Variants in ESS2 observed in about 807,000 individuals in gnomAD.
The protein encoded by ESS2 is splicing factor ESS-2 homolog.
ESS2 carries 31 observed loss-of-function variants against 52.0 expected under a neutral mutation model. The ratio of observed to expected loss-of-function variants is 0.60; its 90% CI spans 0.45 to 0.81. The LOEUF (loss-of-function observed/expected upper bound fraction) is 0.81, where lower values mean the gene tolerates loss of function less well. Ranked by LOEUF, ESS2 falls within the 30% of genes least tolerant of loss-of-function variation. The probability of loss-of-function intolerance (pLI) is 0.00; values close to 1 mark genes in which losing one functional copy is unlikely to be tolerated. For missense variants in ESS2, 602 were observed against 637.2 expected (o/e 0.94, Z 0.59); for synonymous variants, 285 against 259.2 (o/e 1.10, Z -0.95).
Position 19,134,334 on chromosome 22 carries a change from C to T in ESS2, c.1293G>A (p.Pro431=), listed in dbSNP as rs539108063. The T allele has an allele frequency of 1.7e-5, 28 of 1,610,884 alleles. No individual in the cohort carries two copies. The East Asian group carries it at 4.5e-4, about 26-fold the overall frequency. The change falls in exon 10 of 10, where the codon CCG becomes CCA. Residue 431 remains proline, a synonymous_variant. Transcript: ENST00000252137. Reference sequence around the variant, plus strand: ...TTGTGGGGGTCTGCAGCCCACTGGCCGGGGTCTTGAGGTGGGTGGAGCGTG... The same window carrying T: ...TTGTGGGGGTCTGCAGCCCACTGGCTGGGGTCTTGAGGTGGGTGGAGCGTG... ...SPARSTHLKT[P]ASGLQTPTST...
In ESS2 at chr22:19,131,948, C is replaced by A; in HGVS notation, c.*2248G>T. ...TCTGCGGGTCGGCAGCATATGCAGCCCCCGAGGTGCTGCAGAGCATCCCCT... is the reference window on the plus strand; with the variant it reads ...TCTGCGGGTCGGCAGCATATGCAGCACCCGAGGTGCTGCAGAGCATCCCCT... On this transcript the variant is annotated 3_prime_UTR_variant, in exon 10 of 10. Coordinates refer to ENST00000252137, the MANE Select transcript of ESS2 (RefSeq NM_022719.3). This position sits in a 1 kb window ranked among gnomAD's most constrained non-coding sequence, Gnocchi z 5.7. 1.9e-6 allele frequency: 3 copies of A among 1,614,154 alleles called. No individual in the cohort carries two copies. Among genetic ancestry groups the A allele is most frequent in the Non-Finnish European group, 2.5e-6 (3 of 1,180,016 alleles).
chr22:19,141,182 T>C (rs965505302), intron 3 of ESS2, among the ~76,000 whole-genome samples: 2 of 151,364 alleles, frequency 1.3e-5, no homozygotes, highest in African/African-American at 2.4e-5. Flanking sequence ...ACAAGCTACA[T>C]TTCAACAGAT....
chr22:19,139,309 A>T lies in ESS2; in HGVS notation c.689-17T>A. On this transcript the variant is annotated splice_polypyrimidine_tract_variant and intron_variant, in intron 5 of 9. Transcript: ENST00000252137. ...CAGGGACACCTGGCAGACGAAGCAA[A>T]GGTAGCAGCAGGTGTCAGAAGGGCA... 1 of 1,565,178 alleles carries T rather than the reference A, an allele frequency of 6.4e-7. No homozygotes were observed. The highest frequency in any genetic ancestry group is 1.2e-5 in the South Asian group (1 of 84,102).
In ESS2 at chr22:19,142,558, C is replaced by T. The variant is rs889267913; in HGVS notation, c.380G>A (p.Arg127His). Residue 127 changes from arginine to histidine, a missense_variant, in exon 3 of 10, where the codon CGC (arginine) becomes CAC (histidine). Arg to His is a conservative substitution (Grantham distance 29, BLOSUM62 0). Transcript: ENST00000252137. ...TGVVGNKPRP[R>H]GRGLEDGEAG... ...CTCACCATCCTCCAGGCCTCGGCCG[C>T]GGGGCCTGGGCTTGTTGCCCACCAC... 25 of 1,609,820 alleles carry T rather than the reference C, an allele frequency of 1.6e-5. No individual in the cohort carries two copies. The highest frequency in any genetic ancestry group is 1.7e-4 in the Middle Eastern group (1 of 6,030).
At chr22:19,135,656 C>G (rs2146091873) in intron 8 of ESS2, among the ~76,000 whole-genome samples, 1 of 152,296 alleles carries the variant, frequency 6.6e-6, no homozygotes, top group Non-Finnish European at 1.5e-5. Flanking sequence ...TCATTTATAA[C>G]ATTTTCTGCT....
rs201207388 is a variant in ESS2 at position 19,138,167 on chromosome 22, C to A, written c.925+48G>T. Reference sequence around the variant, plus strand: ...GGCCGACTGAGAAGCCCACCTCCCCCAGGGAGTCCCAGCAGTAGACCCACT... The same window carrying A: ...GGCCGACTGAGAAGCCCACCTCCCCAAGGGAGTCCCAGCAGTAGACCCACT... On this transcript the variant is annotated intron_variant, in intron 7 of 9. Coordinates refer to ENST00000252137, the MANE Select transcript of ESS2 (RefSeq NM_022719.3). 153 of 1,610,722 alleles carry A rather than the reference C, an allele frequency of 9.5e-5. No individual in the cohort carries two copies. The African/African-American group carries it at 1.8e-3, about 19-fold the overall frequency.
rs974285232 is a variant in ESS2 at position 19,130,523 on chromosome 22, C to G, written c.*3673G>C. The stretch of plus-strand genomic sequence containing the variant: ...GGGGCCCAGTGCCTTCAAGGCCTGT[C>G]TACTGTGGTACCGGAGTGATTATTT... On this transcript the variant is annotated 3_prime_UTR_variant, in exon 10 of 10. Transcript: ENST00000252137. 7.4e-6 allele frequency: 3 copies of G among 402,928 alleles called. No individual in the cohort carries two copies. The highest frequency in any genetic ancestry group is 4.2e-5 in the African/African-American group (2 of 47,860). The allele number at this position is 402,928 out of a possible 1,614,324, so 25.0% of individuals were successfully genotyped here.
In ESS2 at chr22:19,134,259, C is replaced by T. The variant is rs760504940; in HGVS notation, c.1368G>A (p.Pro456=). The change falls in exon 10 of 10, where the codon CCG becomes CCA. Residue 456 remains proline, a synonymous_variant. Coordinates refer to ENST00000252137, the MANE Select transcript of ESS2 (RefSeq NM_022719.3). ...SATRTPLTQD[P]ASITDNLLQL... ...GCAGCAGGTTGTCCGTGATGGAGGC[C>T]GGGTCCTGTGTGAGAGGGGTGCGTG... 6.4e-6 allele frequency: 10 copies of T among 1,572,530 alleles called. No homozygotes were observed. Among genetic ancestry groups the T allele is most frequent in the South Asian group, 3.4e-5 (3 of 87,130 alleles).
At chr22:19,141,121 G>GAAA (rs202201984) in intron 3 of ESS2, among the ~76,000 whole-genome samples, 1 of 131,718 alleles carries the variant, frequency 7.6e-6, no homozygotes. Flanking sequence ...ATCTCTATAG[G>GAAA]AAAAAAAAAA....
chr22:19,132,156 C>T lies in ESS2; in HGVS notation c.*2040G>A. 6.2e-7 allele frequency: 1 copy of T among 1,613,406 alleles called. No individual in the cohort carries two copies. Among genetic ancestry groups the T allele is most frequent in the Non-Finnish European group, 8.5e-7 (1 of 1,179,460 alleles). ...GTGCAAGGACCTCATCTACCGCATG[C>T]TGCAGCCCGACGTCAGCCAGCGGCT... On this transcript the variant is annotated 3_prime_UTR_variant, in exon 10 of 10. Transcript: ENST00000252137. This position sits in a 1 kb window ranked among gnomAD's most constrained non-coding sequence, Gnocchi z 4.2.
intron 6 of ESS2, 100 bp downstream of exon 6, chr22:19,139,059 C>G: frequency 6.9e-7 from 1 of 1,445,820 alleles, no homozygotes; most frequent in Middle Eastern, 2.4e-4. Context: ...GTTCCACTCA[C>G]TGAGCTCTGC....
chr22:19,139,562 C>A (rs766923410), intron 5 of ESS2, 50 bp downstream of exon 5: 2 of 1,551,580 alleles, frequency 1.3e-6, no homozygotes, highest in African/African-American at 2.7e-5. Context: ...GCCAGACACA[C>A]ACAGCTCTAC....
At position 19,138,312 on chromosome 22, in the gene ESS2, T is replaced by A. The variant is rs1248663967; in HGVS notation, c.828A>T (p.Lys276Asn). Residue 276 changes from lysine (K) to asparagine (N), a missense_variant, in exon 7 of 10, where the codon AAA becomes AAT. By Grantham distance (94) the Lys-to-Asn change is moderately conservative. Coordinates refer to ENST00000252137, the MANE Select transcript of ESS2 (RefSeq NM_022719.3). ...QQAAALNAQH[K>N]QGKVGPDGKE... ...TGCCATCGGGGCCCACCTTGCCCTG[T>A]TTGTGCTGGAACAAGCAGAGAGGCT... 4 of 1,613,562 alleles carry A rather than the reference T, an allele frequency of 2.5e-6. No individual in the cohort carries two copies. The highest frequency in any genetic ancestry group is 1.3e-5 in the African/African-American group (1 of 74,892).
At chr22:19,143,043 A>G in intron 1 of ESS2, 149 bp from the exon 2 acceptor site, 1 of 755,818 alleles carries the variant, frequency 1.3e-6, no homozygotes, top group Non-Finnish European at 2.1e-6. Context: ...AGTCTCTACT[A>G]GAAATACAAA....
Position 19,134,017 on chromosome 22 carries a change from T to C in ESS2, c.*179A>G. 1 of 644,058 alleles carries C rather than the reference T, an allele frequency of 1.6e-6. No individual in the cohort carries two copies. The highest frequency in any genetic ancestry group is 2.3e-6 in the Non-Finnish European group (1 of 440,926). The allele number at this position is 644,058 out of a possible 1,614,324, so 39.9% of individuals were successfully genotyped here. A position where few individuals can be genotyped will look rare whatever the true frequency, so the allele number is the denominator to read the frequency against. ...CTTGGCAAGGCCCTGGGGTGTGGTG[T>C]GGGCACGAGTGCCTTGTGCCAGTCT... On this transcript the variant is annotated 3_prime_UTR_variant, in exon 10 of 10. Transcript: ENST00000252137.
In ESS2 at chr22:19,144,589, T is replaced by C. The variant is rs2083752736; in HGVS notation, c.52A>G (p.Arg18Gly). 1 of 1,599,458 alleles carries C rather than the reference T, an allele frequency of 6.3e-7. No individual in the cohort carries two copies. The highest frequency in any genetic ancestry group is 8.5e-7 in the Non-Finnish European group (1 of 1,172,072). ...ASSLLLPAAS[R>G]PPRKREAGEA... ...CCCGCCTCGCGCTTCCTCGGGGGCC[T>C]GGACGCGGCGGGAAGCAACAAGGAC... The change falls in exon 1 of 10, where the codon AGG becomes GGG. Residue 18 changes from arginine to glycine, a missense_variant. Coordinates refer to ENST00000252137, the MANE Select transcript of ESS2 (RefSeq NM_022719.3).
rs532600836 is a variant in ESS2 at position 19,139,793 on chromosome 22, G to C, written c.570+62C>G. ...CCTGGGCATTGTACCCATGGCCCTG[G>C]GGCTCCCCAACCACCACAGAGGGTG... On this transcript the variant is annotated intron_variant, in intron 4 of 9. Transcript: ENST00000252137. 2.5e-6 allele frequency: 4 copies of C among 1,613,756 alleles called. No individual in the cohort carries two copies. In the South Asian group the frequency reaches 4.4e-5, roughly 18 times the overall value.
intron 3 of ESS2, among the ~76,000 whole-genome samples, chr22:19,140,825 C>T (rs904958295): frequency 1.3e-5 from 2 of 152,242 alleles, no homozygotes; most frequent in Non-Finnish European, 2.9e-5. Context: ...CTATTCATCT[C>T]AGAGAGATAA....
At position 19,141,602 on chromosome 22, in the gene ESS2, C is replaced by T. The variant is rs2083687439; in HGVS notation, c.400+936G>A. On this transcript the variant is annotated intron_variant, in intron 3 of 9. Coordinates refer to ENST00000252137, the MANE Select transcript of ESS2 (RefSeq NM_022719.3). ...AACACCACATGTGCTGTTCCCAACACGGAGCATACAGATGAAAGCAAAACA... is the reference window on the plus strand; with the variant it reads ...AACACCACATGTGCTGTTCCCAACATGGAGCATACAGATGAAAGCAAAACA... Among the ~76,000 whole-genome samples the T allele has an allele frequency of 1.3e-5, 2 of 152,198 alleles. 1 individual carries two copies. Among genetic ancestry groups the T allele is most frequent in the South Asian group, 4.1e-4 (2 of 4,832 alleles).
Sources: gnomAD v4.1 joint callset for allele counts (sites outside exome capture counted in the v4.1 genomes callset) on GRCh38, gnomAD v4.1.1 for gene constraint, Gnocchi (gnomAD v3.1) non-coding constraint, MANE v1.5 for transcripts, NCBI Gene and HGNC (gene_info 2026-07-23, HGNC 2026-07-21) for gene names.